The following FLT3 variants were observed in gnomAD, a reference collection of about 807,000 sequenced individuals.
The protein encoded by FLT3 is receptor-type tyrosine-protein kinase FLT3.
A neutral mutation model predicts 126.6 loss-of-function variants in FLT3; 46 were observed. The observed-to-expected ratio is 0.36, with a 90% CI of 0.29 to 0.46. FLT3 has a LOEUF of 0.46. FLT3 is among the 20% of genes least tolerant of loss of function. The pLI, the probability that FLT3 is intolerant of heterozygous loss-of-function variation, is 1.00. For synonymous variants in FLT3, 404 were observed against 434.4 expected (o/e 0.93, Z 0.87); for missense variants, 1,069 against 1,190.3 (o/e 0.90, Z 1.50).
intron 1 of FLT3, among the ~76,000 whole-genome samples, chr13:28,074,922 C>T (rs887856853): frequency 5.3e-5 from 8 of 152,310 alleles, no homozygotes; most frequent in Admixed American, 5.2e-4. Context: ...GTGTGAGCCA[C>T]TGCGCTCAGC....
chr13:28,074,289 A>G (rs866852910), intron 1 of FLT3, among the ~76,000 whole-genome samples: 16 of 152,306 alleles, frequency 1.1e-4, no homozygotes, highest in Middle Eastern at 6.8e-3. Context: ...GTATAGATAT[A>G]TAACACAATT....
chr13:28,093,721 T>A (rs990991310), intron 1 of FLT3, among the ~76,000 whole-genome samples: 1 of 152,224 alleles, frequency 6.6e-6, no homozygotes, highest in Non-Finnish European at 1.5e-5. Context: ...TGCTTTACCT[T>A]CTCAGTCTGG....
intron 4 of FLT3, among the ~76,000 whole-genome samples, chr13:28,054,688 T>C (rs7993032): frequency 0.99 from 151,282 of 152,350 alleles, 75,121 homozygotes; most frequent in East Asian, 1. Flanking sequence ...ACAATCAAAT[T>C]TTTTCTTTGT....
intron 17 of FLT3, among the ~76,000 whole-genome samples, chr13:28,026,595 C>G (rs1049236686): frequency 6.8e-6 from 1 of 146,598 alleles, no homozygotes; most frequent in Non-Finnish European, 1.5e-5. Context: ...AGGATAAACA[C>G]AGAGCAGAGA....
chr13:28,098,655 A>T (rs1037486111), intron 1 of FLT3, among the ~76,000 whole-genome samples: 1 of 152,196 alleles, frequency 6.6e-6, no homozygotes, highest in African/African-American at 2.4e-5. Flanking sequence ...TCCACCATAT[A>T]TAAAACAATG....
rs1320505995 is a variant in FLT3 at position 28,064,110 on chromosome 13, CA to C, written c.166-2042del. Among the ~76,000 whole-genome samples the C allele has an allele frequency of 3.3e-5, 5 of 151,880 alleles. No homozygotes were observed. The South Asian group carries it at 1.0e-3, about 32-fold the overall frequency. ...AACATAGCAAGACCCCGTCCCAAAACAAAAAAACCCAGCTGACATACTAGAA... is the reference window on the plus strand; with the variant it reads ...AACATAGCAAGACCCCGTCCCAAAACAAAAAACCCAGCTGACATACTAGAA... On this transcript the variant is annotated intron_variant, in intron 2 of 23. Coordinates refer to ENST00000241453, the MANE Select transcript of FLT3 (RefSeq NM_004119.3).
At chr13:28,072,346 T>C (rs569852309) in intron 1 of FLT3, among the ~76,000 whole-genome samples, 33 of 152,242 alleles carry the variant, frequency 2.2e-4, no homozygotes, top group African/African-American at 7.5e-4. Flanking sequence ...CTTTTTCTTT[T>C]TCTTTTTTGG....
intron 4 of FLT3, among the ~76,000 whole-genome samples, chr13:28,055,949 G>A (rs956878216): frequency 6.6e-6 from 1 of 152,216 alleles, no homozygotes; most frequent in Middle Eastern, 3.4e-3. Flanking sequence ...GGTGATTCTC[G>A]GCTTTGGAGC....
At chr13:28,081,533 T>C (rs896900534) in intron 1 of FLT3, among the ~76,000 whole-genome samples, 1 of 152,202 alleles carries the variant, frequency 6.6e-6, no homozygotes, top group Non-Finnish European at 1.5e-5. Context: ...ACATAGGTTA[T>C]CATGTTGTCT....
At chr13:28,043,836 G>A (rs1350654507) in intron 9 of FLT3, among the ~76,000 whole-genome samples, 1 of 152,060 alleles carries the variant, frequency 6.6e-6, no homozygotes, top group Non-Finnish European at 1.5e-5. Flanking sequence ...AAGAAGCCAG[G>A]AAAGGTGGTT....
chr13:28,037,934 C>G, intron 9 of FLT3, among the ~76,000 whole-genome samples: 1 of 152,176 alleles, frequency 6.6e-6, no homozygotes, highest in East Asian at 1.9e-4. Context: ...TGAGATAGAA[C>G]AGTTTCATCC....
intron 2 of FLT3, among the ~76,000 whole-genome samples, chr13:28,062,878 A>G (rs1474176130): frequency 6.6e-6 from 1 of 152,160 alleles, no homozygotes; most frequent in Non-Finnish European, 1.5e-5. Flanking sequence ...CTTAGAAGGA[A>G]CCAACCCTGC....
intron 17 of FLT3, chr13:28,025,529 T>C (rs1593228879): frequency 2.8e-5 from 9 of 322,634 alleles, no homozygotes; most frequent in South Asian, 2.2e-4. Context: ...TATTCTAATA[T>C]ACGAGTTTAA....
At chr13:28,046,881 C>A (rs1440699662) in intron 9 of FLT3, among the ~76,000 whole-genome samples, 3 of 152,030 alleles carry the variant, frequency 2.0e-5, no homozygotes. Flanking sequence ...CAGGTGTGAC[C>A]CACCGAGCCC....
intron 17 of FLT3, among the ~76,000 whole-genome samples, chr13:28,025,712 CCT>C (rs1253757608): frequency 6.6e-6 from 1 of 152,158 alleles, no homozygotes; most frequent in Non-Finnish European, 1.5e-5. Context: ...TAGGATAGCC[CCT>C]CTGTTCCAGA....
At chr13:28,007,197 G>T (rs969883331) in intron 23 of FLT3, among the ~76,000 whole-genome samples, 2 of 152,046 alleles carry the variant, frequency 1.3e-5, no homozygotes, top group African/African-American at 4.8e-5. Context: ...TTAAAAAATG[G>T]TTCTTTTTTC....
chr13:28,084,213 G>C lies in FLT3; in HGVS notation c.44-13601C>G, dbSNP rs531487043. ...TTGCTATGTTACCCAGGCTGGTCTT[G>C]AACTCCTGGCCTCAAGTGATCTTGC... On this transcript the variant is annotated intron_variant, in intron 1 of 23. Transcript: ENST00000241453. 5.3e-5 allele frequency among the ~76,000 whole-genome samples: 8 copies of C among 151,888 alleles called. No individual in the cohort carries two copies. The South Asian group carries it at 1.5e-3, about 28-fold the overall frequency.
intron 9 of FLT3, among the ~76,000 whole-genome samples, chr13:28,040,779 T>C (rs1451449241): frequency 1.3e-5 from 2 of 152,072 alleles, no homozygotes; most frequent in Non-Finnish European, 2.9e-5. Context: ...GGTGCAATAC[T>C]TGAGCCCAGG....
intron 19 of FLT3, among the ~76,000 whole-genome samples, chr13:28,021,160 C>A (rs1000338328): frequency 6.6e-6 from 1 of 152,068 alleles, no homozygotes; most frequent in South Asian, 2.1e-4. Flanking sequence ...GAAGCCGAGG[C>A]GGGCAAATCA....
Sources: gnomAD v4.1 joint callset for allele counts (sites outside exome capture counted in the v4.1 genomes callset) on GRCh38, gnomAD v4.1.1 for gene constraint, MANE v1.5 for transcripts, NCBI Gene and HGNC (gene_info 2026-07-23, HGNC 2026-07-21) for gene names.